Variants in CDK13 observed in about 807,000 individuals in gnomAD.
CDK13 encodes the protein cyclin-dependent kinase 13.
Under a neutral mutation model 137.6 loss-of-function variants are expected in CDK13, and 40 were observed. That is an observed-to-expected ratio of 0.29 (90% CI 0.23 to 0.38). CDK13 has a LOEUF of 0.38. Ranked by LOEUF, CDK13 falls within the 10% of genes least tolerant of loss-of-function variation. The pLI is 1.00. For missense variants in CDK13, 1,704 were observed against 1,951.8 expected, an observed-to-expected ratio of 0.87 and a Z score of 2.39; for synonymous variants, 869 against 760.1, an observed-to-expected ratio of 1.14 and a Z score of -2.36.
chr7:40,073,256 T>C (rs1786462140), intron 9 of CDK13: 1 of 152,144 alleles, frequency 6.6e-6, no homozygotes, highest in Non-Finnish European at 1.5e-5. Flanking sequence ...CTAACATGGG[T>C]TATATGATTT....
intron 12 of CDK13, among the ~76,000 whole-genome samples, chr7:40,088,936 C>T (rs781285862): frequency 6.6e-6 from 1 of 151,948 alleles, no homozygotes; most frequent in African/African-American, 2.4e-5. Flanking sequence ...AAAAATTAGC[C>T]GGGCGTGGTG....
chr7:39,953,429 TG>T (rs1306489378), intron 1 of CDK13, among the ~76,000 whole-genome samples: 13 of 152,248 alleles, frequency 8.5e-5, no homozygotes, highest in African/African-American at 2.7e-4. Flanking sequence ...AAGTGCTTGA[TG>T]CAATTTTAAG....
intron 2 of CDK13, among the ~76,000 whole-genome samples, chr7:39,996,968 AAAAAAAAAG>A (rs1453765061): frequency 1.4e-4 from 17 of 120,194 alleles, no homozygotes; most frequent in South Asian, 5.3e-4. Flanking sequence ...TCTCAAAAAA[AAAAAAAAAG>A]AAAAAAAAAA....
chr7:40,060,145 C>G (rs911871875), intron 7 of CDK13, among the ~76,000 whole-genome samples: 12 of 152,098 alleles, frequency 7.9e-5, no homozygotes, highest in Admixed American at 6.6e-4. Flanking sequence ...TTAGATGATG[C>G]TACATATTGC....
chr7:40,027,760 CAGTTGG>C (rs1234759654), intron 5 of CDK13, among the ~76,000 whole-genome samples: 2 of 142,484 alleles, frequency 1.4e-5, no homozygotes, highest in Non-Finnish European at 3.0e-5. Context: ...TCAGATTGGG[CAGTTGG>C]AGCCTTACAG....
chr7:40,034,345 T>A (rs937731017), intron 5 of CDK13, among the ~76,000 whole-genome samples: 2 of 152,220 alleles, frequency 1.3e-5, no homozygotes, highest in African/African-American at 4.8e-5. Flanking sequence ...GCAATGGCTT[T>A]ACGAAGAGTT....
chr7:40,094,888 TCTC>T lies in CDK13; in HGVS notation c.4450_4452del (p.Pro1484del), dbSNP rs867300209. ...CCTCATGCATGGACAGACCTGGACT[TCTC>T]CTGCCCAAGGACCTGGATATTCACA... On this transcript the variant is annotated inframe_deletion, in exon 14 of 14. Coordinates refer to ENST00000181839, the MANE Select transcript of CDK13 (RefSeq NM_003718.5). 1.6e-5 allele frequency: 24 copies of T among 1,514,094 alleles called. No individual in the cohort carries two copies. Among genetic ancestry groups the T allele is most frequent in the East Asian group, 2.3e-5 (1 of 43,884 alleles). The allele number at this position is 1,514,094 out of a possible 1,614,324, so 93.8% of individuals were successfully genotyped here. A position where few individuals can be genotyped will look rare whatever the true frequency, so the allele number is the denominator to read the frequency against.
chr7:40,080,243 C>T (rs1048339133), intron 11 of CDK13, among the ~76,000 whole-genome samples: 5 of 152,134 alleles, frequency 3.3e-5, no homozygotes, highest in African/African-American at 1.2e-4. Flanking sequence ...CCACCTTGGC[C>T]TCCTAAACTG....
chr7:39,998,894 T>C (rs1188945671), intron 3 of CDK13: 1 of 152,130 alleles, frequency 6.6e-6, no homozygotes, highest in Non-Finnish European at 1.5e-5. Flanking sequence ...CATCCAGTCA[T>C]AAGTCTAAAT....
At position 39,992,163 on chromosome 7, in the gene CDK13, G is replaced by GGTGTGTGTGT. The variant is rs140203379; in HGVS notation, c.1871+3934_1871+3943dup. 9.5e-3 allele frequency among the ~76,000 whole-genome samples: 1,389 copies of GGTGTGTGTGT among 146,360 alleles called. 7 individuals carry two copies. Among genetic ancestry groups the GGTGTGTGTGT allele is most frequent in the African/African-American group, 0.013 (498 of 39,362 alleles). On this transcript the variant is annotated intron_variant, in intron 2 of 13. Coordinates refer to ENST00000181839, the MANE Select transcript of CDK13 (RefSeq NM_003718.5). ...CTAGTTGTTTAAGAGAACTAATGAG[G>GGTGTGTGTGT]GTGTGTGTGTGTGTGTGTGTGTGTG...
intron 5 of CDK13, among the ~76,000 whole-genome samples, chr7:40,039,671 A>G (rs1379298318): frequency 6.6e-6 from 1 of 151,994 alleles, no homozygotes; most frequent in Non-Finnish European, 1.5e-5. Flanking sequence ...ACCTCAAGTG[A>G]TCCACCTGCC....
rs778552078 is a variant in CDK13 at position 40,093,008 on chromosome 7, G to A, written c.3459G>A (p.Ser1153=). ...TDPSTPQQES[S]KPLGGIQPSS... ...CATCAACACCACAACAGGAGTCTTC[G>A]AAACCGTTGGGAGGAATTCAGCCTT... The change falls in exon 13 of 14, where the codon TCG becomes TCA. Residue 1153 remains serine (S), a synonymous_variant. Coordinates refer to ENST00000181839, the MANE Select transcript of CDK13 (RefSeq NM_003718.5). The A allele has an allele frequency of 1.5e-5, 25 of 1,614,038 alleles. 1 individual carries two copies. Among genetic ancestry groups the A allele is most frequent in the Middle Eastern group, 3.3e-4 (2 of 6,084 alleles).
intron 1 of CDK13, chr7:39,952,799 T>G (rs1323419391): frequency 6.6e-6 from 1 of 150,764 alleles, no homozygotes; most frequent in African/African-American, 2.4e-5. Context: ...TTAATGAAAT[T>G]GGAGTAAAAC....
In CDK13 at chr7:40,002,126, T is replaced by TAC; in HGVS notation, c.2353+97_2353+98dup. On this transcript the variant is annotated intron_variant, in intron 5 of 13. Transcript: ENST00000181839. ...TTATAGATGTGACTATTTGAGTAAT[T>TAC]ACAAACTATTGCTCTAATCGTGAAA... 4.1e-6 allele frequency: 3 copies of TAC among 738,304 alleles called. No individual in the cohort carries two copies. The South Asian group carries it at 5.7e-5, about 14-fold the overall frequency. 45.7% of individuals were successfully genotyped at this position (738,304 alleles called of 1,614,324 possible).
At chr7:40,064,424 A>G (rs1283847510) in intron 9 of CDK13, among the ~76,000 whole-genome samples, 3 of 152,210 alleles carry the variant, frequency 2.0e-5, no homozygotes, top group Non-Finnish European at 4.4e-5. Context: ...GTACAGATTT[A>G]CAGAATTTTA....
In CDK13 at chr7:39,951,183, C is replaced by A. The variant is rs1787169094; in HGVS notation, c.542C>A (p.Pro181Gln). 8.0e-7 allele frequency: 1 copy of A among 1,245,524 alleles called. No individual in the cohort carries two copies. The highest frequency in any genetic ancestry group is 3.6e-5 in the South Asian group (1 of 27,956). 77.2% of individuals were successfully genotyped at this position (1,245,524 alleles called of 1,614,324 possible). A position where few individuals can be genotyped will look rare whatever the true frequency, so the allele number is the denominator to read the frequency against. The change falls in exon 1 of 14, where the codon CCG (proline) becomes CAG (glutamine). Residue 181 changes from proline (P) to glutamine (Q), a missense_variant. Physicochemically the swap from Pro to Gln is moderately conservative, Grantham distance 76. Around this residue, in one of 5 missense-constraint regions of CDK13, gnomAD observed 1,051 missense variants for 931.0 expected, o/e 1.13. Transcript: ENST00000181839. ...GGAACGGGGGGCAGCGGCGGGAGTC[C>A]GGCCTCCTCCTCCGGCACCCAGCGG... is the stretch of plus-strand genomic sequence containing the variant. ...AGGTGGSGGS[P>Q]ASSSGTQRRG...
intron 12 of CDK13, among the ~76,000 whole-genome samples, chr7:40,091,049 AAAAAT>A (rs1786909987): frequency 6.6e-6 from 1 of 151,766 alleles, no homozygotes; most frequent in Non-Finnish European, 1.5e-5. Context: ...TGTCTCTACT[AAAAAT>A]AAAACAACTG....
intron 9 of CDK13, chr7:40,070,784 T>C (rs1295026552): frequency 6.7e-6 from 1 of 149,602 alleles, no homozygotes. Context: ...ATGGGATGAA[T>C]GAAGGCAGAA....
intron 5 of CDK13, among the ~76,000 whole-genome samples, chr7:40,002,799 T>A (rs1784711973): frequency 1.3e-5 from 2 of 150,900 alleles, no homozygotes; most frequent in African/African-American, 2.4e-5. Flanking sequence ...ACACAGTGTC[T>A]CACATCTATA....
Sources: allele counts gnomAD v4.1 joint callset (sites outside exome capture counted in the v4.1 genomes callset), GRCh38; gene constraint gnomAD v4.1.1; regional missense constraint gnomAD v4.1.1; transcripts MANE v1.5; gene names NCBI Gene and HGNC (gene_info 2026-07-23, HGNC 2026-07-21).